PRSS1: variants seen among roughly 807,000 people sequenced by gnomAD.
PRSS1 encodes the protein serine protease 1.
In PRSS1, 22 loss-of-function variants were observed where a neutral mutation model predicts 24.2. That is an observed-to-expected ratio of 0.91 (90% CI 0.65 to 1.30). PRSS1 has a LOEUF of 1.30. Ranked by LOEUF, PRSS1 falls within the 50% of genes most tolerant of loss-of-function variation. The pLI, the probability that PRSS1 is intolerant of heterozygous loss-of-function variation, is 0.00. For missense variants in PRSS1, 366 were observed against 304.2 expected, an observed-to-expected ratio of 1.20 and a Z score of -1.51; for synonymous variants, 126 against 116.1, an observed-to-expected ratio of 1.08 and a Z score of -0.55.
At chr7:142,751,111 GT>G (rs1042753642) in intron 2 of PRSS1, 1 of 698,666 alleles carries the variant, frequency 1.4e-6, no homozygotes, top group African/African-American at 1.8e-5. Context: ...GTGAATATCA[GT>G]GAGAATTTTA....
At position 142,752,516 on chromosome 7, in the gene PRSS1, C is replaced by A; in HGVS notation, c.540C>A (p.Thr180=). Residue 180 remains threonine (T), a synonymous_variant, in exon 4 of 5, where the codon ACC becomes ACA. Coordinates refer to ENST00000311737, the MANE Select transcript of PRSS1 (RefSeq NM_002769.5). ...AAGCCTCCTACCCTGGAAAGATTAC[C>A]AGCAACATGTTCTGTGTGGGCTTCC... ...KCEASYPGKI[T]SNMFCVGFLE... 1.9e-6 allele frequency: 3 copies of A among 1,614,222 alleles called. No homozygotes were observed. Among genetic ancestry groups the A allele is most frequent in the Non-Finnish European group, 2.5e-6 (3 of 1,180,028 alleles).
intron 1 of PRSS1, 124 bp from the exon 2 acceptor site, chr7:142,750,431 C>A: frequency 2.6e-6 from 4 of 1,545,036 alleles, no homozygotes; most frequent in Middle Eastern, 2.0e-4. Context: ...GGCAGAGCTC[C>A]CTCCCTTGCC....
intron 2 of PRSS1, chr7:142,751,099 G>C (rs770502723): frequency 1.4e-6 from 1 of 702,762 alleles, no homozygotes; most frequent in Non-Finnish European, 2.6e-6. Context: ...CAGGAAGAGG[G>C]TGTGAATATC....
At position 142,752,517 on chromosome 7, in the gene PRSS1, A is replaced by G. The variant is rs376907511; in HGVS notation, c.541A>G (p.Ser181Gly). ...CEASYPGKITSNMFCVGFLEG... is the reference protein window; with the variant it reads ...CEASYPGKITGNMFCVGFLEG... ...AGCCTCCTACCCTGGAAAGATTACC[A>G]GCAACATGTTCTGTGTGGGCTTCCT... is the stretch of plus-strand genomic sequence containing the variant. The change falls in exon 4 of 5, where the codon AGC (serine) becomes GGC (glycine). Residue 181 changes from serine to glycine, a missense_variant. Transcript: ENST00000311737. 3.7e-5 allele frequency: 60 copies of G among 1,614,224 alleles called. 1 individual carries two copies. In the Middle Eastern group the frequency reaches 9.9e-4, roughly 27 times the overall value.
Position 142,752,134 on chromosome 7 carries a change from C to T in PRSS1, c.454+107C>T, listed in dbSNP as rs115227268. On this transcript the variant is annotated intron_variant, in intron 3 of 4. Transcript: ENST00000311737. ...TCACCTCCAGGCTTAAGACACATTT[C>T]GAGTGCCCATTACACACAGACTCTG... 2,710 of 1,536,950 alleles carry T rather than the reference C, an allele frequency of 1.8e-3. 10 individuals carry two copies. The African/African-American group carries it at 0.031, about 18-fold the overall frequency.
Position 142,750,291 on chromosome 7 carries a change from T to C in PRSS1, c.41-264T>C, listed in dbSNP as rs552568267. The stretch of plus-strand genomic sequence containing the variant: ...CCCAACTCCTATCCCACTGGAAGCA[T>C]TGTGAGGACATTCCTTGCGACTTCA... On this transcript the variant is annotated intron_variant, in intron 1 of 4. Transcript: ENST00000311737. Among the ~76,000 whole-genome samples, 6 of 152,248 alleles carry C rather than the reference T, an allele frequency of 3.9e-5. No homozygotes were observed. In the South Asian group the frequency reaches 8.3e-4, roughly 21 times the overall value.
chr7:142,751,730 T>G, intron 2 of PRSS1, 44 bp from the exon 3 acceptor site: 1 of 1,276,192 alleles, frequency 7.8e-7, no homozygotes, highest in South Asian at 1.2e-5. Flanking sequence ...ATAGGTGCCC[T>G]GGCTGTGGGA....
Position 142,752,035 on chromosome 7 carries a change from G to A in PRSS1, c.454+8G>A, listed in dbSNP as rs1438563276. 1 of 1,614,054 alleles carries A rather than the reference G, an allele frequency of 6.2e-7. No individual in the cohort carries two copies. The highest frequency in any genetic ancestry group is 8.5e-7 in the Non-Finnish European group (1 of 1,179,988). On this transcript the variant is annotated splice_region_variant and intron_variant, in intron 3 of 4. Coordinates refer to ENST00000311737, the MANE Select transcript of PRSS1 (RefSeq NM_002769.5). ...ACACTGCGAGCTCTGGCGGTGAGTG[G>A]GACCCTTAGTCCTTCTACTTCCCTC...
rs982891917 is a variant in PRSS1, at chr7:142,751,212, A to G, written c.200+498A>G. 7 of 647,338 alleles carry G rather than the reference A, an allele frequency of 1.1e-5. No homozygotes were observed. The African/African-American group carries it at 1.3e-4, about 12-fold the overall frequency. The allele number at this position is 647,338 out of a possible 1,614,324, so 40.1% of individuals were successfully genotyped here. ...CTCTCAAACCTGAGTATGCATCAGA[A>G]CGCCCTGCAGGCTTGTTAAGGCACA... On this transcript the variant is annotated intron_variant, in intron 2 of 4. Transcript: ENST00000311737.
chr7:142,749,625 A>G, intron 1 of PRSS1, 101 bp downstream of exon 1: 1 of 1,474,714 alleles, frequency 6.8e-7, no homozygotes, highest in Non-Finnish European at 9.5e-7. Context: ...CTGTGCTCTG[A>G]TATTCCGTTT....
chr7:142,750,706 C>T lies in PRSS1; in HGVS notation c.192C>T (p.Cys64=), dbSNP rs1261676877. Reference sequence around the variant, plus strand: ...AGTGGGTGGTATCAGCAGGCCACTGCTACAAGTCGTAAGTGTGGGGCCCCC... The same window carrying T: ...AGTGGGTGGTATCAGCAGGCCACTGTTACAAGTCGTAAGTGTGGGGCCCCC... ...NEQWVVSAGH[C]YKSRIQVRLG... is the part of the protein sequence containing the mutation. Residue 64 remains cysteine, a synonymous_variant, in exon 2 of 5, where the codon TGC becomes TGT. Transcript: ENST00000311737. The T allele has an allele frequency of 3.1e-6, 5 of 1,613,902 alleles. No individual in the cohort carries two copies. The highest frequency in any genetic ancestry group is 4.5e-5 in the East Asian group (2 of 44,874).
At chr7:142,752,135 G>A (rs374581626) in intron 3 of PRSS1, 108 bp downstream of exon 3, 26 of 1,358,650 alleles carry the variant, frequency 1.9e-5, no homozygotes, top group South Asian at 1.3e-4. Context: ...GACACATTTC[G>A]AGTGCCCATT....
At chr7:142,750,380 C>T (rs946676379) in intron 1 of PRSS1, among the ~76,000 whole-genome samples, 175 bp from the exon 2 acceptor site, 1 of 148,430 alleles carries the variant, frequency 6.7e-6, no homozygotes, top group African/African-American at 2.5e-5. Flanking sequence ...CCTGCAGGCA[C>T]AGAGACTTGG....
chr7:142,751,813 C>T lies in PRSS1; in HGVS notation c.240C>T (p.Val80=), dbSNP rs772622287. 11 of 1,614,032 alleles carry T rather than the reference C, an allele frequency of 6.8e-6. No individual in the cohort carries two copies. The African/African-American group carries it at 9.3e-5, about 14-fold the overall frequency. Residue 80 remains valine (V), a synonymous_variant, in exon 3 of 5, where the codon GTC becomes GTT. Transcript: ENST00000311737. Reference sequence around the variant, plus strand: ...GACTGGGAGAGCACAACATCGAAGTCCTGGAGGGGAATGAGCAGTTCATCA... The same window carrying T: ...GACTGGGAGAGCACAACATCGAAGTTCTGGAGGGGAATGAGCAGTTCATCA... ...QVRLGEHNIE[V]LEGNEQFINA... is the part of the protein sequence containing the mutation.
chr7:142,750,342 A>C (rs1490003691), intron 1 of PRSS1, among the ~76,000 whole-genome samples: 2 of 152,172 alleles, frequency 1.3e-5, no homozygotes, highest in East Asian at 1.9e-4. Context: ...GAGAGCTCGG[A>C]TCCTCCGCAG....
intron 2 of PRSS1, chr7:142,751,063 T>C: frequency 2.8e-6 from 2 of 703,026 alleles, no homozygotes; most frequent in Admixed American, 2.0e-5. Context: ...CTTTGTCCTA[T>C]CCCAGGGCAA....
At chr7:142,751,456 G>A (rs992499764) in intron 2 of PRSS1, 42 of 580,740 alleles carry the variant, frequency 7.2e-5, no homozygotes, top group Middle Eastern at 4.5e-4. Flanking sequence ...AAAACTTCAA[G>A]GAGCTCCTTG....
chr7:142,751,083 A>C (rs1476669818), intron 2 of PRSS1: 2 of 702,054 alleles, frequency 2.8e-6, no homozygotes, highest in East Asian at 2.7e-5. Context: ...ATTAAGTCAA[A>C]ATTTTCAGGA....
chr7:142,751,031 G>T lies in PRSS1; in HGVS notation c.200+317G>T, dbSNP rs1476132244. 2.8e-5 allele frequency: 20 copies of T among 703,870 alleles called. No homozygotes were observed. The Admixed American group carries it at 4.0e-4, about 14-fold the overall frequency. The allele number at this position is 703,870 out of a possible 1,614,324, so 43.6% of individuals were successfully genotyped here. A position where few individuals can be genotyped will look rare whatever the true frequency, so the allele number is the denominator to read the frequency against. ...CTACACATTAAAGCCAACTAAGAAA[G>T]ACTTTTTAAAAATACAGATGCCTTT... On this transcript the variant is annotated intron_variant, in intron 2 of 4. Transcript: ENST00000311737.
Sources: allele counts gnomAD v4.1 joint callset (sites outside exome capture counted in the v4.1 genomes callset), GRCh38; gene constraint gnomAD v4.1.1; transcripts MANE v1.5; gene names NCBI Gene and HGNC (gene_info 2026-07-23, HGNC 2026-07-21).